The following KANK1 variants were observed in gnomAD, a reference collection of about 807,000 sequenced individuals.
KANK1 encodes KN motif and ankyrin repeat domain-containing protein 1.
Under a neutral mutation model 106.2 loss-of-function variants are expected in KANK1, and 109 were observed. The observed-to-expected ratio is 1.03, with a 90% confidence interval of 0.88 to 1.20. The LOEUF (loss-of-function observed/expected upper bound fraction) is 1.20, where lower values mean the gene tolerates loss of function less well. Among genes scored for constraint, KANK1 ranks in the 50% most tolerant of loss-of-function variants. KANK1 has a pLI of 0.00. For missense variants in KANK1, 2,399 were observed against 1,710.7 expected, an observed-to-expected ratio of 1.40 and a Z score of -7.10; for synonymous variants, 873 against 652.2, an observed-to-expected ratio of 1.34 and a Z score of -5.16.
intron 8 of KANK1, among the ~76,000 whole-genome samples, chr9:738,827 C>T (rs571232143): frequency 2.4e-4 from 36 of 152,308 alleles, no homozygotes; most frequent in African/African-American, 7.7e-4. Flanking sequence ...CTGAATCATG[C>T]GGGCTTGGCC....
intron 1 of KANK1, among the ~76,000 whole-genome samples, chr9:631,407 T>A (rs1835703313): frequency 6.6e-6 from 1 of 152,088 alleles, no homozygotes; most frequent in African/African-American, 2.4e-5. Flanking sequence ...TCTCCTTTCA[T>A]CTCCTTGAGG....
chr9:533,461 C>T (rs1307754011), intron 1 of KANK1, among the ~76,000 whole-genome samples: 4 of 152,178 alleles, frequency 2.6e-5, no homozygotes, highest in African/African-American at 9.7e-5. Context: ...GTGGCAGGCA[C>T]AGTCTAAATA....
chr9:570,706 G>T (rs1818943668), intron 1 of KANK1, among the ~76,000 whole-genome samples: 1 of 152,136 alleles, frequency 6.6e-6, no homozygotes, highest in African/African-American at 2.4e-5. Context: ...TTGAAAATTT[G>T]TAGTTTTTGT....
At chr9:682,898 C>T (rs1392900712) in intron 2 of KANK1, among the ~76,000 whole-genome samples, 3 of 152,268 alleles carry the variant, frequency 2.0e-5, no homozygotes, top group South Asian at 4.1e-4. Context: ...TGCTGCAGTG[C>T]GGTGCACCCC....
chr9:471,925 G>C (rs1282836027), intron 2 of KANK1, among the ~76,000 whole-genome samples: 1 of 152,122 alleles, frequency 6.6e-6, no homozygotes, highest in Non-Finnish European at 1.5e-5. Context: ...GACTGCGGCT[G>C]ACTCCCCGAG....
At chr9:581,959 G>A in intron 1 of KANK1, among the ~76,000 whole-genome samples, 1 of 152,166 alleles carries the variant, frequency 6.6e-6, no homozygotes. Flanking sequence ...AAGTGTGAGA[G>A]ATCTTGCTAT....
At chr9:604,254 A>G (rs1289214339) in intron 1 of KANK1, among the ~76,000 whole-genome samples, 6 of 151,750 alleles carry the variant, frequency 4.0e-5, no homozygotes, top group African/African-American at 7.3e-5. Context: ...AATGAGCACT[A>G]TGTGTCAGAC....
At chr9:624,261 C>A (rs751156097) in intron 1 of KANK1, among the ~76,000 whole-genome samples, 6 of 152,086 alleles carry the variant, frequency 3.9e-5, no homozygotes, top group Admixed American at 3.9e-4. Context: ...TCAAAGGGTA[C>A]AAGCTTTCAT....
upstream of KANK1, among the ~76,000 whole-genome samples, chr9:500,065 G>C (rs2058524166): frequency 2.0e-5 from 3 of 152,138 alleles, no homozygotes; most frequent in South Asian, 6.2e-4. Flanking sequence ...AATTTTATCT[G>C]CTGCTTTTAA....
At chr9:527,363 G>A (rs1328049775) in intron 1 of KANK1, among the ~76,000 whole-genome samples, 2 of 151,658 alleles carry the variant, frequency 1.3e-5, no homozygotes, top group African/African-American at 4.9e-5. Flanking sequence ...GTGCAGTGGC[G>A]CGATCTTGGC....
chr9:532,649 TCAC>T (rs367862007), intron 1 of KANK1, among the ~76,000 whole-genome samples: 1 of 152,152 alleles, frequency 6.6e-6, no homozygotes, highest in African/African-American at 2.4e-5. Flanking sequence ...ATGAAAGTCT[TCAC>T]CAAGCTACTT....
chr9:583,308 C>A (rs1370289439), intron 1 of KANK1, among the ~76,000 whole-genome samples: 1 of 152,100 alleles, frequency 6.6e-6, no homozygotes, highest in East Asian at 1.9e-4. Context: ...GAAATGCCTG[C>A]CTAGTAGGTT....
chr9:732,530 T>A lies in KANK1; in HGVS notation c.3158T>A (p.Val1053Asp). The A allele has an allele frequency of 6.2e-7, 1 of 1,613,956 alleles. No homozygotes were observed. Among genetic ancestry groups the A allele is most frequent in the South Asian group, 1.1e-5 (1 of 91,064 alleles). ...TRGMAEGHHA[V>D]NIEGLKSARV... ...GGAATGGCAGAAGGGCACCATGCAGTTAATATTGAAGGTTTGAAGTCTGCC... is the reference window on the plus strand; with the variant it reads ...GGAATGGCAGAAGGGCACCATGCAGATAATATTGAAGGTTTGAAGTCTGCC... Residue 1053 changes from valine (V) to aspartate (D), a missense_variant, in exon 6 of 12, where the codon GTT becomes GAT. By Grantham distance (152) the Val-to-Asp change is radical. Coordinates refer to ENST00000382297, the MANE Select transcript of KANK1 (RefSeq NM_015158.5).
rs1029322590 is a variant in KANK1, at chr9:609,392, C to T, written c.-83-67498C>T. ...CCTGTAATCCCAGCACTTTGGGAGG[C>T]CGAGGAGGGCGGATCACCTGAGGTC... On this transcript the variant is annotated intron_variant, in intron 1 of 11. Transcript: ENST00000382297. 1.7e-4 allele frequency among the ~76,000 whole-genome samples: 26 copies of T among 152,260 alleles called. 1 individual carries two copies. The highest frequency in any genetic ancestry group is 1.2e-3 in the Admixed American group (19 of 15,298).
chr9:732,615 G>C lies in KANK1; in HGVS notation c.3243G>C (p.Glu1081Asp), dbSNP rs747868259. 4 of 1,613,746 alleles carry C rather than the reference G, an allele frequency of 2.5e-6. No individual in the cohort carries two copies. Among genetic ancestry groups the C allele is most frequent in the East Asian group, 2.2e-5 (1 of 44,902 alleles). The change falls in exon 6 of 12, where the codon GAG becomes GAC. Residue 1081 changes from glutamate (E) to aspartate (D), a missense_variant and splice_region_variant. By Grantham distance (45) the Glu-to-Asp change is conservative (BLOSUM62 2). Coordinates refer to ENST00000382297, the MANE Select transcript of KANK1 (RefSeq NM_015158.5). Reference sequence around the variant, plus strand: ...AACCTGAGAAGGTGGAAATCAGAGAGAGGTGTGGTACATTCCCCTTCCCTC... The same window carrying C: ...AACCTGAGAAGGTGGAAATCAGAGACAGGTGTGGTACATTCCCCTTCCCTC... Reference protein sequence around the residue: ...ECEPEKVEIRERYELSEKMLS... With the variant: ...ECEPEKVEIRDRYELSEKMLS...
intron 1 of KANK1, among the ~76,000 whole-genome samples, chr9:596,905 C>T (rs1442929372): frequency 6.6e-6 from 1 of 151,654 alleles, no homozygotes; most frequent in African/African-American, 2.4e-5. Context: ...ACACTATTCT[C>T]TCCTCTCTCT....
At chr9:706,769 TG>T (rs1334091263) in intron 2 of KANK1, 3 of 985,312 alleles carry the variant, frequency 3.0e-6, no homozygotes, top group Non-Finnish European at 3.6e-6. Flanking sequence ...CAGTGAGTGC[TG>T]CCCGGATCCT....
intron 1 of KANK1, among the ~76,000 whole-genome samples, chr9:672,237 T>A (rs182716473): frequency 2.6e-5 from 4 of 152,206 alleles, no homozygotes; most frequent in Admixed American, 2.6e-4. Context: ...TTGTTTCTTA[T>A]GTATACAATG....
At chr9:543,871 G>T (rs1191657681) in intron 1 of KANK1, among the ~76,000 whole-genome samples, 4 of 151,920 alleles carry the variant, frequency 2.6e-5, no homozygotes, top group Non-Finnish European at 5.9e-5. Flanking sequence ...CCAAATCCAG[G>T]GCTTCTCTAT....
Sources: gnomAD v4.1 joint callset for allele counts (sites outside exome capture counted in the v4.1 genomes callset) on GRCh38, gnomAD v4.1.1 for gene constraint, MANE v1.5 for transcripts, NCBI Gene and HGNC (gene_info 2026-07-23, HGNC 2026-07-21) for gene names.